Variants in FHIP1A observed in about 807,000 individuals in gnomAD.
The protein encoded by FHIP1A is FHF complex subunit HOOK interacting protein 1A.
Under a neutral mutation model 88.6 loss-of-function variants are expected in FHIP1A, and 61 were observed. That is an observed-to-expected ratio of 0.69 (90% CI 0.56 to 0.85). The LOEUF is 0.85. Among genes scored for constraint, FHIP1A ranks in the 40% least tolerant of loss-of-function variants. The pLI, the probability that FHIP1A is intolerant of heterozygous loss-of-function variation, is 0.00. For synonymous variants in FHIP1A, 478 were observed against 496.0 expected, an observed-to-expected ratio of 0.96 and a Z score of 0.48; for missense variants, 1,154 against 1,273.5, an observed-to-expected ratio of 0.91 and a Z score of 1.43.
rs1054924711 is a variant in FHIP1A, at chr4:151,570,209, G to C, written c.105+3845G>C. 9.2e-5 allele frequency among the ~76,000 whole-genome samples: 14 copies of C among 152,056 alleles called. 1 individual carries two copies. Among genetic ancestry groups the C allele is most frequent in the Non-Finnish European group, 1.8e-4 (12 of 68,022 alleles). The stretch of plus-strand genomic sequence containing the variant: ...AATGCAAAGTTGCTTGGGGTTCCTA[G>C]CCACCCCCTCTCCTGGCAGCGTCCA... On this transcript the variant is annotated intron_variant, in intron 4 of 13. Transcript: ENST00000435205.
intron 7 of FHIP1A, among the ~76,000 whole-genome samples, chr4:151,611,162 A>G (rs1276232871): frequency 6.6e-6 from 1 of 152,080 alleles, no homozygotes; most frequent in East Asian, 1.9e-4. Flanking sequence ...TGATGAACTG[A>G]TGTTTAGCTA....
chr4:151,422,426 G>A (rs1046196580), intron 1 of FHIP1A, among the ~76,000 whole-genome samples: 19 of 151,486 alleles, frequency 1.3e-4, no homozygotes, highest in African/African-American at 4.6e-4. Context: ...TTGCTCCATT[G>A]TCCAGGCTGG....
intron 7 of FHIP1A, among the ~76,000 whole-genome samples, chr4:151,607,243 A>C (rs1389264393): frequency 6.6e-6 from 1 of 152,262 alleles, no homozygotes; most frequent in East Asian, 1.9e-4. Flanking sequence ...CCGTGGAAGC[A>C]GAGGGCCAGA....
intron 1 of FHIP1A, among the ~76,000 whole-genome samples, chr4:151,434,614 AT>A (rs35187714): frequency 6.6e-6 from 1 of 152,016 alleles, no homozygotes; most frequent in African/African-American, 2.4e-5. Context: ...TAAGAATTGG[AT>A]TTTTTTTCCC....
At chr4:151,462,166 A>G (rs1382464665) in intron 2 of FHIP1A, among the ~76,000 whole-genome samples, 2 of 152,096 alleles carry the variant, frequency 1.3e-5, no homozygotes, top group African/African-American at 2.4e-5. Context: ...GTCTCTAAAA[A>G]ATAAAGTAAA....
At chr4:151,575,324 G>T (rs1288296224) in intron 4 of FHIP1A, among the ~76,000 whole-genome samples, 2 of 152,200 alleles carry the variant, frequency 1.3e-5, no homozygotes, top group Non-Finnish European at 1.5e-5. Context: ...TGTGGAGGTA[G>T]AGGGTCCCTT....
intron 9 of FHIP1A, among the ~76,000 whole-genome samples, chr4:151,642,091 G>T (rs1560816422): frequency 6.6e-6 from 1 of 152,116 alleles, no homozygotes; most frequent in East Asian, 1.9e-4. Context: ...TTGAAATAAG[G>T]TACCCCCAAA....
rs944611117 is a variant in FHIP1A, at chr4:151,482,582, C to G, written c.-189C>G. ...GAGCCAAATGTTAGAAAAATCTTTCCGCTCCTCTGAAGAGTGAAGTGAGCA... is the reference window on the plus strand; with the variant it reads ...GAGCCAAATGTTAGAAAAATCTTTCGGCTCCTCTGAAGAGTGAAGTGAGCA... On this transcript the variant is annotated 5_prime_UTR_variant, in exon 3 of 14. Transcript: ENST00000435205. 6.6e-6 allele frequency: 1 copy of G among 151,912 alleles called. No individual in the cohort carries two copies. The highest frequency in any genetic ancestry group is 1.5e-5 in the Non-Finnish European group (1 of 67,928). The allele number at this position is 151,912 out of a possible 1,614,324, so 9.4% of individuals were successfully genotyped here.
intron 3 of FHIP1A, among the ~76,000 whole-genome samples, chr4:151,560,570 C>T (rs576673760): frequency 6.6e-6 from 1 of 152,206 alleles, no homozygotes; most frequent in South Asian, 2.1e-4. Flanking sequence ...TTACCTTAGT[C>T]AACTTTTAGG....
In FHIP1A at chr4:151,592,414, G is replaced by A. The variant is rs548092929; in HGVS notation, c.978+3488G>A. Among the ~76,000 whole-genome samples, 62 of 152,274 alleles carry A rather than the reference G, an allele frequency of 4.1e-4. 1 individual carries two copies. Among genetic ancestry groups the A allele is most frequent in the East Asian group, 3.9e-4 (2 of 5,182 alleles). ...CTCCCAAAGTGCTGAGATTACAGGC[G>A]TGAGCCACCGCGCCCGGCTGTTCCC... On this transcript the variant is annotated intron_variant, in intron 7 of 13. Transcript: ENST00000435205.
At chr4:151,600,523 G>A (rs1734824384) in intron 7 of FHIP1A, among the ~76,000 whole-genome samples, 1 of 152,200 alleles carries the variant, frequency 6.6e-6, no homozygotes, top group Non-Finnish European at 1.5e-5. Flanking sequence ...TTGTTTCAGT[G>A]ATCTAGCACT....
At chr4:151,459,927 T>G (rs1729091484) in intron 2 of FHIP1A, among the ~76,000 whole-genome samples, 2 of 152,154 alleles carry the variant, frequency 1.3e-5, no homozygotes, top group Admixed American at 1.3e-4. Context: ...GTATATATAT[T>G]TTTTATCATA....
chr4:151,456,998 A>G (rs1026556315), intron 2 of FHIP1A, among the ~76,000 whole-genome samples: 3 of 152,144 alleles, frequency 2.0e-5, no homozygotes, highest in African/African-American at 7.2e-5. Flanking sequence ...ATTATTTTAA[A>G]GAGGATCTTT....
chr4:151,416,181 T>C (rs1288660156), intron 1 of FHIP1A, among the ~76,000 whole-genome samples: 1 of 152,214 alleles, frequency 6.6e-6, no homozygotes, highest in Non-Finnish European at 1.5e-5. Context: ...TAAGATACTT[T>C]GGCTAAATTT....
At chr4:151,575,252 A>G (rs1733743806) in intron 4 of FHIP1A, among the ~76,000 whole-genome samples, 1 of 152,194 alleles carries the variant, frequency 6.6e-6, no homozygotes, top group South Asian at 2.1e-4. Flanking sequence ...TAAGGCATGA[A>G]TTTTGTTCTT....
chr4:151,446,142 C>G (rs1260229319), intron 1 of FHIP1A, among the ~76,000 whole-genome samples: 1 of 151,940 alleles, frequency 6.6e-6, no homozygotes, highest in African/African-American at 2.4e-5. Context: ...TCTGTGGCTC[C>G]CCATCTTGGA....
chr4:151,497,994 G>A (rs1405799075), intron 3 of FHIP1A, among the ~76,000 whole-genome samples: 2 of 152,086 alleles, frequency 1.3e-5, no homozygotes, highest in Non-Finnish European at 2.9e-5. Context: ...AATCCTGTTT[G>A]TCAGATTATC....
chr4:151,429,704 C>T (rs923629682), intron 1 of FHIP1A, among the ~76,000 whole-genome samples: 4 of 152,028 alleles, frequency 2.6e-5, no homozygotes, highest in Non-Finnish European at 5.9e-5. Context: ...CAAAAATTAG[C>T]CAGGTGTAGT....
chr4:151,456,712 A>G (rs1285088662), intron 2 of FHIP1A, among the ~76,000 whole-genome samples: 1 of 152,164 alleles, frequency 6.6e-6, no homozygotes, highest in East Asian at 1.9e-4. Flanking sequence ...CCACTTAGAA[A>G]TAACTATTGT....
Sources: allele counts gnomAD v4.1 joint callset (sites outside exome capture counted in the v4.1 genomes callset), GRCh38; gene constraint gnomAD v4.1.1; transcripts MANE v1.5; gene names NCBI Gene and HGNC (gene_info 2026-07-23, HGNC 2026-07-21).